PPP2R2A: variants seen among roughly 807,000 people sequenced by gnomAD.
PPP2R2A encodes the protein serine/threonine-protein phosphatase 2A 55 kDa regulatory subunit B alpha isoform.
In PPP2R2A, 9 loss-of-function variants were observed where a neutral mutation model predicts 53.2. The observed-to-expected ratio is 0.17, with a 90% confidence interval of 0.10 to 0.30. The LOEUF (loss-of-function observed/expected upper bound fraction) is 0.30, where lower values mean the gene tolerates loss of function less well. Ranked by LOEUF, PPP2R2A falls within the 10% of genes least tolerant of loss-of-function variation. The pLI is 1.00. For synonymous variants in PPP2R2A, 169 were observed against 174.2 expected, an observed-to-expected ratio of 0.97 and a Z score of 0.23; for missense variants, 235 against 534.6, an observed-to-expected ratio of 0.44 and a Z score of 5.53.
At position 26,368,494 on chromosome 8, in the gene PPP2R2A, T is replaced by C. The variant is rs574074994; in HGVS notation, c.1065-1640T>C. On this transcript the variant is annotated intron_variant, in intron 9 of 9. Transcript: ENST00000380737. ...CAAATAGAACTGACAAGGAAGTGTC[T>C]TGGGCAGTTTAAAAATTTTGCCACC... 2.2e-3 allele frequency among the ~76,000 whole-genome samples: 334 copies of C among 152,360 alleles called. 2 individuals are homozygous for C. Among genetic ancestry groups the C allele is most frequent in the Non-Finnish European group, 3.9e-3 (266 of 68,024 alleles).
intron 4 of PPP2R2A, chr8:26,359,041 T>C (rs1036817810): frequency 1.4e-5 from 6 of 443,338 alleles, no homozygotes; most frequent in Admixed American, 9.5e-5. Flanking sequence ...CTGTAAGTCA[T>C]GTTGATACCA....
At chr8:26,364,661 G>A (rs1805275386) in intron 8 of PPP2R2A, among the ~76,000 whole-genome samples, 1 of 152,148 alleles carries the variant, frequency 6.6e-6, no homozygotes, top group African/African-American at 2.4e-5. Context: ...AAACATAAAC[G>A]AAGATTGTTT....
chr8:26,370,407 G>T lies in PPP2R2A; in HGVS notation c.1338G>T (p.Val446=). ...ATCTGTATATATTTCAAGACAAAGT[G>T]AATTAGGGTTGGCATTCCTAGCAGA... ...TNNLYIFQDK[V]N is the part of the protein sequence containing the mutation. Residue 446 remains valine, a synonymous_variant, in exon 10 of 10, where the codon GTG becomes GTT. Transcript: ENST00000380737. The surrounding 1 kb of genome is among the most constrained non-coding windows in gnomAD (Gnocchi z 6.1). 6.2e-7 allele frequency: 1 copy of T among 1,613,248 alleles called. No homozygotes were observed. Among genetic ancestry groups the T allele is most frequent in the Non-Finnish European group, 8.5e-7 (1 of 1,179,298 alleles).
intron 1 of PPP2R2A, 147 bp downstream of exon 1, chr8:26,291,973 G>A: frequency 1.6e-6 from 2 of 1,214,436 alleles, no homozygotes; most frequent in Non-Finnish European, 1.1e-6. Context: ...GGTGGGGTGG[G>A]GGCGGGGAGG....
chr8:26,357,544 C>T (rs1196482246), intron 4 of PPP2R2A, among the ~76,000 whole-genome samples: 1 of 152,056 alleles, frequency 6.6e-6, no homozygotes, highest in African/African-American at 2.4e-5. Flanking sequence ...TCTTTTGCTC[C>T]TCTGAATTCT....
intron 2 of PPP2R2A, among the ~76,000 whole-genome samples, chr8:26,296,450 A>G (rs1008898377): frequency 6.6e-5 from 10 of 152,232 alleles, no homozygotes; most frequent in African/African-American, 1.9e-4. Context: ...ATGCCTGACA[A>G]TCATCCCACA....
At chr8:26,336,841 C>G (rs1803688105) in intron 2 of PPP2R2A, among the ~76,000 whole-genome samples, 1 of 150,664 alleles carries the variant, frequency 6.6e-6, no homozygotes, top group African/African-American at 2.4e-5. Context: ...GCACTCCAGC[C>G]TGGTCAAAAG....
At position 26,295,127 on chromosome 8, in the gene PPP2R2A, A is replaced by G. The variant is rs187398769; in HGVS notation, c.82+1387A>G. ...GCAGTTGTGTAATACTCACCAAGTTATGAAAGTGCTGTATACTTGGAAAAT... is the reference window on the plus strand; with the variant it reads ...GCAGTTGTGTAATACTCACCAAGTTGTGAAAGTGCTGTATACTTGGAAAAT... On this transcript the variant is annotated intron_variant, in intron 2 of 9. Transcript: ENST00000380737. Among the ~76,000 whole-genome samples the G allele has an allele frequency of 3.3e-4, 51 of 152,346 alleles. No homozygotes were observed. The East Asian group carries it at 9.4e-3, about 28-fold the overall frequency.
chr8:26,295,448 A>G (rs1293356302), intron 2 of PPP2R2A, among the ~76,000 whole-genome samples: 1 of 152,240 alleles, frequency 6.6e-6, no homozygotes, highest in African/African-American at 2.4e-5. Flanking sequence ...TAAGCAAAGA[A>G]AGCAACTTAT....
At chr8:26,302,133 G>T (rs969924158) in intron 2 of PPP2R2A, among the ~76,000 whole-genome samples, 14 of 152,192 alleles carry the variant, frequency 9.2e-5, no homozygotes, top group African/African-American at 3.1e-4. Flanking sequence ...AGTTTTCATG[G>T]AACATCACTT....
intron 3 of PPP2R2A, among the ~76,000 whole-genome samples, chr8:26,349,234 A>G (rs1328003681): frequency 1.3e-5 from 2 of 151,648 alleles, no homozygotes; most frequent in Non-Finnish European, 2.9e-5. Flanking sequence ...GTGGGTGGGT[A>G]GATGTGTGTG....
chr8:26,291,958 A>T, intron 1 of PPP2R2A, 132 bp downstream of exon 1: 14 of 532,692 alleles, frequency 2.6e-5, no homozygotes, highest in Middle Eastern at 4.8e-4. Flanking sequence ...AGTAGGGTCC[A>T]GAGGGGTGGG....
chr8:26,320,040 C>G (rs1802757282), intron 2 of PPP2R2A, among the ~76,000 whole-genome samples: 4 of 152,052 alleles, frequency 2.6e-5, no homozygotes, highest in African/African-American at 9.7e-5. Context: ...TGATTTTATT[C>G]CCTAAGTGCC....
At chr8:26,329,752 T>G (rs759811456) in intron 2 of PPP2R2A, among the ~76,000 whole-genome samples, 20 of 152,234 alleles carry the variant, frequency 1.3e-4, no homozygotes, top group Non-Finnish European at 2.8e-4. Context: ...AAGGGTTTTT[T>G]CAGGGGATAG....
intron 2 of PPP2R2A, among the ~76,000 whole-genome samples, chr8:26,299,611 A>G (rs969404172): frequency 6.6e-6 from 1 of 152,220 alleles, no homozygotes; most frequent in African/African-American, 2.4e-5. Context: ...TAAAAATTTG[A>G]AAAACAGTCC....
chr8:26,310,135 G>T (rs1802209074), intron 2 of PPP2R2A, among the ~76,000 whole-genome samples: 1 of 144,936 alleles, frequency 6.9e-6, no homozygotes, highest in African/African-American at 2.6e-5. Context: ...ACAAAAATTA[G>T]CTGGGTGTGG....
chr8:26,328,956 C>G (rs575253848), intron 2 of PPP2R2A, among the ~76,000 whole-genome samples: 1 of 152,160 alleles, frequency 6.6e-6, no homozygotes, highest in Non-Finnish European at 1.5e-5. Flanking sequence ...TTGCATGAAT[C>G]TGCTAAATGA....
At chr8:26,349,661 A>G (rs905583983) in intron 3 of PPP2R2A, among the ~76,000 whole-genome samples, 2 of 152,216 alleles carry the variant, frequency 1.3e-5, no homozygotes, top group Admixed American at 6.5e-5. Context: ...GCAGATTATT[A>G]CATAGCAAAC....
chr8:26,298,556 A>G (rs1349283663), intron 2 of PPP2R2A: 1 of 152,174 alleles, frequency 6.6e-6, no homozygotes, highest in Non-Finnish European at 1.5e-5. Context: ...ATGACCACGC[A>G]CACATTCTCT....
Sources: allele counts gnomAD v4.1 joint callset (sites outside exome capture counted in the v4.1 genomes callset), GRCh38; gene constraint gnomAD v4.1.1; non-coding constraint Gnocchi (gnomAD v3.1); transcripts MANE v1.5; gene names NCBI Gene and HGNC (gene_info 2026-07-23, HGNC 2026-07-21).